Variants in SLC12A5 observed in about 807,000 individuals in gnomAD.
The protein encoded by SLC12A5 is solute carrier family 12 member 5.
A neutral mutation model predicts 124.0 loss-of-function variants in SLC12A5; 18 were observed. That is an observed-to-expected ratio of 0.15 (90% CI 0.10 to 0.22). The LOEUF is 0.22. Among genes scored for constraint, SLC12A5 ranks in the 10% least tolerant of loss-of-function variants. The pLI, the probability that SLC12A5 is intolerant of heterozygous loss-of-function variation, is 1.00. For synonymous variants in SLC12A5, 589 were observed against 568.0 expected, an observed-to-expected ratio of 1.04 and a Z score of -0.53; for missense variants, 867 against 1,478.7, an observed-to-expected ratio of 0.59 and a Z score of 6.78.
chr20:46,051,901 G>T (rs1175885212), intron 18 of SLC12A5, 31 bp downstream of exon 18: 3 of 1,406,148 alleles, frequency 2.1e-6, no homozygotes, highest in Middle Eastern at 1.9e-4. Context: ...GGACAGAAGA[G>T]GGGTGGGGCT....
In SLC12A5 at chr20:46,059,858, A is replaced by C. The variant is rs937251686; in HGVS notation, c.*2253A>C. ...GATGATCTATGTGCAGGGCAATGCAATGAAGTTGAAAACCCTTGTAAATAG... is the reference window on the plus strand; with the variant it reads ...GATGATCTATGTGCAGGGCAATGCACTGAAGTTGAAAACCCTTGTAAATAG... On this transcript the variant is annotated 3_prime_UTR_variant, in exon 26 of 26. Coordinates refer to ENST00000243964, the MANE Select transcript of SLC12A5 (RefSeq NM_020708.5). The C allele has an allele frequency of 1.0e-5, 4 of 386,512 alleles. No individual in the cohort carries two copies. The highest frequency in any genetic ancestry group is 1.8e-5 in the Non-Finnish European group (4 of 218,720). 23.9% of individuals were successfully genotyped at this position (386,512 alleles called of 1,614,324 possible). A position where few individuals can be genotyped will look rare whatever the true frequency, so the allele number is the denominator to read the frequency against.
intron 21 of SLC12A5, 70 bp downstream of exon 21, chr20:46,055,093 C>T (rs991014456): frequency 1.8e-6 from 2 of 1,131,014 alleles, no homozygotes. Context: ...GTTTAGGATG[C>T]CTCAGGGCTG....
chr20:46,046,407 C>A lies in SLC12A5; in HGVS notation c.1758C>A (p.Asn586Lys), dbSNP rs1325966760. ...CAVQTLLRTP[N>K]WRPRFRYYHW... ...TGCAGACGCTGCTGAGGACACCCAA[C>A]TGGAGGCCACGCTTTCGATATTACC... The change falls in exon 14 of 26, where the codon AAC becomes AAA. Residue 586 changes from asparagine to lysine, a missense_variant. By Grantham distance (94) the Asn-to-Lys change is moderately conservative (BLOSUM62 0). Coordinates refer to ENST00000243964, the MANE Select transcript of SLC12A5 (RefSeq NM_020708.5). The A allele has an allele frequency of 6.2e-7, 1 of 1,614,094 alleles. No individual in the cohort carries two copies. Among genetic ancestry groups the A allele is most frequent in the African/African-American group, 1.3e-5 (1 of 74,920 alleles).
chr20:46,035,267 G>A lies in SLC12A5; in HGVS notation c.148-137G>A, dbSNP rs541145132. 7.6e-6 allele frequency: 9 copies of A among 1,179,226 alleles called. No homozygotes were observed. In the East Asian group the frequency reaches 2.1e-4, roughly 28 times the overall value. The allele number at this position is 1,179,226 out of a possible 1,614,324, so 73.0% of individuals were successfully genotyped here. A position where few individuals can be genotyped will look rare whatever the true frequency, so the allele number is the denominator to read the frequency against. ...ATTCTTACCCCTGTTCTCCTCACCT[G>A]TTCCTCCTCCTTTCCCATCTCATCC... On this transcript the variant is annotated intron_variant, in intron 2 of 25. Transcript: ENST00000243964.
upstream of SLC12A5, among the ~76,000 whole-genome samples, chr20:46,024,352 C>T (rs1568853410): frequency 6.6e-6 from 1 of 152,168 alleles, no homozygotes; most frequent in Non-Finnish European, 1.5e-5. Flanking sequence ...TCCATCTGGA[C>T]AATGATTTGG....
At chr20:46,036,192 G>A (rs917735702) in intron 4 of SLC12A5, 9 of 396,150 alleles carry the variant, frequency 2.3e-5, no homozygotes, top group Non-Finnish European at 4.0e-5. Context: ...GGGTAGGGAA[G>A]AAAATAAAAT....
chr20:46,041,107 A>G, intron 7 of SLC12A5: 5 of 506,208 alleles, frequency 9.9e-6, no homozygotes, highest in East Asian at 3.7e-5. Flanking sequence ...ACAGCATTGC[A>G]CTAATGCGGT....
intron 17 of SLC12A5, 29 bp from the exon 18 acceptor site, chr20:46,051,646 C>T (rs2084647573): frequency 6.3e-7 from 1 of 1,589,118 alleles, no homozygotes. Flanking sequence ...AGGCCTGAGG[C>T]TGGTCCTTGT....
At chr20:46,036,143 A>T (rs2084496692) in intron 4 of SLC12A5, 3 of 502,002 alleles carry the variant, frequency 6.0e-6, no homozygotes, top group Non-Finnish European at 6.9e-6. Flanking sequence ...CTCTGTGTGT[A>T]ATTACACAAG....
chr20:46,057,022 T>G lies in SLC12A5; in HGVS notation c.3125+111T>G. ...TGCCACGACCTCTGGGATCTCTGAA[T>G]AGCCTAGCCTGGAGATGTTTAGGAT... is the stretch of plus-strand genomic sequence containing the variant. On this transcript the variant is annotated intron_variant, in intron 24 of 25. Transcript: ENST00000243964. This position sits in a 1 kb window ranked among gnomAD's most constrained non-coding sequence, Gnocchi z 7.1. 2 of 1,588,956 alleles carry G rather than the reference T, an allele frequency of 1.3e-6. No individual in the cohort carries two copies. Among genetic ancestry groups the G allele is most frequent in the South Asian group, 2.2e-5 (2 of 90,430 alleles).
intron 15 of SLC12A5, 115 bp from the exon 16 acceptor site, chr20:46,047,866 G>A: frequency 9.7e-7 from 1 of 1,031,938 alleles, no homozygotes; most frequent in Non-Finnish European, 1.4e-6. Flanking sequence ...TGATACACAT[G>A]TCCTTTCTGA....
intron 13 of SLC12A5, 106 bp from the exon 14 acceptor site, chr20:46,046,232 C>A (rs1303305826): frequency 7.6e-6 from 8 of 1,059,390 alleles, no homozygotes; most frequent in African/African-American, 1.6e-5. Flanking sequence ...GATCTGGCCA[C>A]CTCCTGACTT....
chr20:46,056,365 G>A lies in SLC12A5; in HGVS notation c.2911G>A (p.Val971Met). 1.2e-6 allele frequency: 2 copies of A among 1,609,876 alleles called. No individual in the cohort carries two copies. The highest frequency in any genetic ancestry group is 1.7e-6 in the Non-Finnish European group (2 of 1,177,652). ...GDSEEKPEEEVQLIHDQSAPS... is the reference protein window; with the variant it reads ...GDSEEKPEEEMQLIHDQSAPS... ...TGCCATCGCTTCATTCATCCCTCAG[G>A]TGCAGCTGATCCACGATCAGAGTGC... Residue 971 changes from valine (V) to methionine (M), a missense_variant and splice_region_variant, in exon 23 of 26, where the codon GTG becomes ATG. Physicochemically the swap from Val to Met is conservative, Grantham distance 21 (BLOSUM62 1). Transcript: ENST00000243964. This position sits in a 1 kb window ranked among gnomAD's most constrained non-coding sequence, Gnocchi z 4.3.
At chr20:46,043,604 T>C in intron 9 of SLC12A5, 29 bp from the exon 10 acceptor site, 1 of 1,611,938 alleles carries the variant, frequency 6.2e-7, no homozygotes, top group Non-Finnish European at 8.5e-7. Context: ...GGCCCTGGCT[T>C]GAGTCCTAGC....
rs2084502466 is a variant in SLC12A5 at position 46,036,785 on chromosome 20, T to G, written c.471T>G (p.Gly157=). ...CCATGAGTGCAATTGCAACGAATGG[T>G]GTTGTGCCTGGTAGGTGACTGGGGC... The part of the protein sequence containing the change: ...AISMSAIATN[G]VVPAGGSYYM... Residue 157 remains glycine, a synonymous_variant, in exon 5 of 26, where the codon GGT becomes GGG. Transcript: ENST00000243964. The G allele has an allele frequency of 6.2e-7, 1 of 1,613,574 alleles. No homozygotes were observed. The highest frequency in any genetic ancestry group is 8.5e-7 in the Non-Finnish European group (1 of 1,179,830).
chr20:46,046,133 GT>G, intron 13 of SLC12A5, 137 bp downstream of exon 13: 1 of 898,804 alleles, frequency 1.1e-6, no homozygotes, highest in Non-Finnish European at 1.8e-6. Context: ...GAAGCCCATC[GT>G]TTGTTATAGA....
In SLC12A5 at chr20:46,053,740, C is replaced by T. The variant is rs1211378478; in HGVS notation, c.2679+31C>T. ...TCCCCAGGAGACACCGCTGGGGTTC[C>T]ACCTGGCCCTCTTTCCTCTTGGCCC... On this transcript the variant is annotated intron_variant, in intron 20 of 25. Transcript: ENST00000243964. This position sits in a 1 kb window ranked among gnomAD's most constrained non-coding sequence, Gnocchi z 4.7. 1.3e-6 allele frequency: 2 copies of T among 1,532,732 alleles called. No homozygotes were observed. Among genetic ancestry groups the T allele is most frequent in the Non-Finnish European group, 1.8e-6 (2 of 1,135,974 alleles). 94.9% of individuals were successfully genotyped at this position (1,532,732 alleles called of 1,614,324 possible).
chr20:46,021,984 G>A (rs920748167), intron 1 of SLC12A5: 2 of 1,308,784 alleles, frequency 1.5e-6, no homozygotes, highest in Admixed American at 3.2e-5. Context: ...CCAAGACCGG[G>A]GGCGGGGAGG....
At chr20:46,055,107 C>A (rs1391690611) in intron 21 of SLC12A5, 84 bp downstream of exon 21, 2 of 934,482 alleles carry the variant, frequency 2.1e-6, no homozygotes, top group African/African-American at 1.6e-5. Context: ...AGGGCTGACA[C>A]TCCTGGCATT....
Sources: gnomAD v4.1 joint callset for allele counts (sites outside exome capture counted in the v4.1 genomes callset) on GRCh38, gnomAD v4.1.1 for gene constraint, Gnocchi (gnomAD v3.1) non-coding constraint, MANE v1.5 for transcripts, NCBI Gene and HGNC (gene_info 2026-07-23, HGNC 2026-07-21) for gene names.